The following C3orf20 variants were observed in gnomAD, a reference collection of about 807,000 sequenced individuals.
C3orf20 encodes uncharacterized protein C3orf20.
In C3orf20, 76 loss-of-function variants were observed where a neutral mutation model predicts 88.3. The ratio of observed to expected loss-of-function variants is 0.86; its 90% CI spans 0.72 to 1.04. The LOEUF (loss-of-function observed/expected upper bound fraction) is 1.04, where lower values mean the gene tolerates loss of function less well. C3orf20 is among the 50% of genes least tolerant of loss of function. The pLI is 0.00. For missense variants in C3orf20, 1,056 were observed against 1,123.3 expected, an observed-to-expected ratio of 0.94 and a Z score of 0.86; for synonymous variants, 436 against 437.4, an observed-to-expected ratio of 1.00 and a Z score of 0.04.
intron 5 of C3orf20, among the ~76,000 whole-genome samples, chr3:14,695,373 T>C (rs2032947891): frequency 6.6e-6 from 1 of 152,158 alleles, no homozygotes; most frequent in African/African-American, 2.4e-5. Context: ...TTCAGGTTTT[T>C]TTTTTTAAAT....
Position 14,685,439 on chromosome 3 carries a change from C to CCT in C3orf20, c.625+1074_625+1075dup, listed in dbSNP as rs566893132. On this transcript the variant is annotated intron_variant, in intron 4 of 16. Coordinates refer to ENST00000253697, the MANE Select transcript of C3orf20 (RefSeq NM_032137.5). ...TTGTTGCTTTTTTCTCACCCAGTGA[C>CCT]CTCTCTCTCTCTCTCTCTGTTTCTC... Among the ~76,000 whole-genome samples the CCT allele has an allele frequency of 1.8e-3, 251 of 137,166 alleles. 1 individual carries two copies. Among genetic ancestry groups the CCT allele is most frequent in the Non-Finnish European group, 3.2e-3 (203 of 64,186 alleles). The allele number at this position is 137,166 out of a possible 152,430, so 90.0% of individuals were successfully genotyped here. A position where few individuals can be genotyped will look rare whatever the true frequency, so the allele number is the denominator to read the frequency against.
At chr3:14,707,445 T>TTGTGTGTGTGTGTGTG (rs36047273) in intron 7 of C3orf20, among the ~76,000 whole-genome samples, 16 of 136,452 alleles carry the variant, frequency 1.2e-4, no homozygotes, top group African/African-American at 4.4e-4. Context: ...GCATCTTTTC[T>TTGTGTGTGTGTGTGTG]TGTGTGTGTG....
At chr3:14,685,823 G>GTTCAC (rs1205485779) in intron 4 of C3orf20, among the ~76,000 whole-genome samples, 2 of 138,700 alleles carry the variant, frequency 1.4e-5, no homozygotes, top group East Asian at 4.2e-4. Flanking sequence ...TGTACTCTAG[G>GTTCAC]TTCACTTATG....
Position 14,730,905 on chromosome 3 carries a change from A to G in C3orf20, c.1940+2217A>G, listed in dbSNP as rs13086952. Among the ~76,000 whole-genome samples the G allele has an allele frequency of 9.5e-3, 1,446 of 152,328 alleles. 7 individuals carry two copies. The highest frequency in any genetic ancestry group is 0.012 in the Non-Finnish European group (811 of 68,032). ...TTTTATTTGCATTTCCCTGATGACT[A>G]TAGAGGCTGAGCACCCTCCATTGTT... On this transcript the variant is annotated intron_variant, in intron 12 of 16. Coordinates refer to ENST00000253697, the MANE Select transcript of C3orf20 (RefSeq NM_032137.5).
At chr3:14,739,964 T>C (rs1269208829) in intron 12 of C3orf20, among the ~76,000 whole-genome samples, 1 of 152,236 alleles carries the variant, frequency 6.6e-6, no homozygotes, top group Non-Finnish European at 1.5e-5. Context: ...TATGGCTGAT[T>C]TGCTTTTCTA....
At chr3:14,730,937 C>T (rs955710652) in intron 12 of C3orf20, among the ~76,000 whole-genome samples, 6 of 152,156 alleles carry the variant, frequency 3.9e-5, no homozygotes, top group East Asian at 1.9e-4. Context: ...TGTTTGTTGA[C>T]CATTTTAAGT....
chr3:14,747,679 G>A (rs937651610), intron 12 of C3orf20, among the ~76,000 whole-genome samples: 2 of 152,070 alleles, frequency 1.3e-5, no homozygotes, highest in Non-Finnish European at 2.9e-5. Context: ...TCAGAGTAAG[G>A]CAATATTGTT....
intron 1 of C3orf20, among the ~76,000 whole-genome samples, chr3:14,680,608 C>T (rs2032035725): frequency 6.6e-6 from 1 of 152,166 alleles, no homozygotes. Flanking sequence ...AGCCATTGTA[C>T]ACACGTTAAA....
intron 7 of C3orf20, among the ~76,000 whole-genome samples, chr3:14,710,006 T>A (rs11917633): frequency 0.014 from 2,080 of 152,298 alleles, 42 homozygotes; most frequent in African/African-American, 0.046. Flanking sequence ...GGCTTTTCTT[T>A]GTTGGGTGAT....
At chr3:14,690,816 G>A (rs2032693044) in intron 5 of C3orf20, among the ~76,000 whole-genome samples, 2 of 152,222 alleles carry the variant, frequency 1.3e-5, no homozygotes, top group South Asian at 2.1e-4. Flanking sequence ...AGAGGACCAC[G>A]TTCCTGAAGG....
Position 14,761,505 on chromosome 3 carries a change from C to T in C3orf20, c.2385C>T (p.Gly795=). Residue 795 remains glycine, a synonymous_variant, in exon 15 of 17, where the codon GGC becomes GGT. Transcript: ENST00000253697. Reference sequence around the variant, plus strand: ...CCGGGGGGAAGCTCATTTTTGGGGGCCGTGTTTTGAATGGATATGGCCTCA... The same window carrying T: ...CCGGGGGGAAGCTCATTTTTGGGGGTCGTGTTTTGAATGGATATGGCCTCA... ...MFAGGKLIFG[G]RVLNGYGLSK... 1 of 1,613,904 alleles carries T rather than the reference C, an allele frequency of 6.2e-7. No homozygotes were observed. The highest frequency in any genetic ancestry group is 1.1e-5 in the South Asian group (1 of 91,054).
intron 7 of C3orf20, 105 bp from the exon 8 acceptor site, chr3:14,713,902 T>C (rs2033841919): frequency 8.1e-7 from 1 of 1,235,390 alleles, no homozygotes; most frequent in Non-Finnish European, 1.1e-6. Context: ...TGGAGAATGA[T>C]GCACCAAATA....
At chr3:14,680,632 A>G (rs1281348160) in intron 1 of C3orf20, among the ~76,000 whole-genome samples, 4 of 151,486 alleles carry the variant, frequency 2.6e-5, no homozygotes, top group Non-Finnish European at 5.9e-5. Flanking sequence ...GGTGGATTGT[A>G]TGTGAATTCT....
intron 12 of C3orf20, among the ~76,000 whole-genome samples, chr3:14,745,791 G>A (rs1405743857): frequency 4.6e-5 from 7 of 152,160 alleles, no homozygotes; most frequent in African/African-American, 1.7e-4. Context: ...TAAAAGTGAA[G>A]TGGAGCTTCT....
rs138760592 is a variant in C3orf20 at position 14,702,554 on chromosome 3, C to G, written c.746-576C>G. Among the ~76,000 whole-genome samples the G allele has an allele frequency of 5.2e-3, 794 of 151,878 alleles. 5 individuals carry two copies. The highest frequency in any genetic ancestry group is 0.018 in the African/African-American group (747 of 41,368). On this transcript the variant is annotated intron_variant, in intron 5 of 16. Coordinates refer to ENST00000253697, the MANE Select transcript of C3orf20 (RefSeq NM_032137.5). The stretch of plus-strand genomic sequence containing the variant: ...CTCCCGGGTTCAGGAGATTCTACTG[C>G]CTCAGCCTCCTGAGTAGCTGGAACT...
At chr3:14,716,782 C>G (rs142691379) in intron 9 of C3orf20, among the ~76,000 whole-genome samples, 1 of 152,304 alleles carries the variant, frequency 6.6e-6, no homozygotes, top group African/African-American at 2.4e-5. Context: ...TCTCTGGCTG[C>G]GTATCAGAGT....
intron 15 of C3orf20, among the ~76,000 whole-genome samples, chr3:14,762,486 G>A (rs981814592): frequency 9.2e-5 from 14 of 152,218 alleles, no homozygotes; most frequent in Non-Finnish European, 4.4e-5. Context: ...TGGGCAGCAC[G>A]GTGCAGTGAG....
chr3:14,723,040 A>G (rs2034222364), intron 10 of C3orf20, among the ~76,000 whole-genome samples: 1 of 152,248 alleles, frequency 6.6e-6, no homozygotes, highest in Non-Finnish European at 1.5e-5. Flanking sequence ...GGGTGACCAC[A>G]CTTCCCAGTT....
At chr3:14,677,563 C>T (rs1286493731) in intron 1 of C3orf20, among the ~76,000 whole-genome samples, 3 of 152,024 alleles carry the variant, frequency 2.0e-5, no homozygotes, top group Admixed American at 6.6e-5. Context: ...TGCAATAGCG[C>T]GATCTCAACT....
Sources: gnomAD v4.1 joint callset for allele counts (sites outside exome capture counted in the v4.1 genomes callset) on GRCh38, gnomAD v4.1.1 for gene constraint, MANE v1.5 for transcripts, NCBI Gene and HGNC (gene_info 2026-07-23, HGNC 2026-07-21) for gene names.